The following SYT10 variants were observed in gnomAD, a reference collection of about 807,000 sequenced individuals.
SYT10 encodes the protein synaptotagmin 10, also known as synaptotagmin-10.
In SYT10, 31 loss-of-function variants were observed where a neutral mutation model predicts 51.1. The ratio of observed to expected loss-of-function variants is 0.61; its 90% CI spans 0.46 to 0.82. The LOEUF (loss-of-function observed/expected upper bound fraction) is 0.82, where lower values mean the gene tolerates loss of function less well. Among genes scored for constraint, SYT10 ranks in the 40% least tolerant of loss-of-function variants. The probability of loss-of-function intolerance (pLI) is 0.00; values close to 1 mark genes in which losing one functional copy is unlikely to be tolerated. For missense variants in SYT10, 603 were observed against 634.0 expected (o/e 0.95, Z 0.53); for synonymous variants, 233 against 225.9 (o/e 1.03, Z -0.28).
intron 4 of SYT10, 35 bp from the exon 5 acceptor site, chr12:33,382,555 G>A (rs1462272819): frequency 1.3e-6 from 2 of 1,542,696 alleles, no homozygotes; most frequent in Admixed American, 2.1e-5. Context: ...TAAAATAAAA[G>A]TAATAGTACA....
In SYT10 at chr12:33,382,398, C is replaced by G; in HGVS notation, c.1321G>C (p.Glu441Gln). 1 of 1,612,968 alleles carries G rather than the reference C, an allele frequency of 6.2e-7. No homozygotes were observed. The highest frequency in any genetic ancestry group is 8.5e-7 in the Non-Finnish European group (1 of 1,179,444). Residue 441 changes from glutamate (E) to glutamine (Q), a missense_variant, in exon 5 of 7, where the codon GAG becomes CAG. Physicochemically the swap from Glu to Gln is conservative, Grantham distance 29. Coordinates refer to ENST00000228567, the MANE Select transcript of SYT10 (RefSeq NM_198992.4). ...GAGAGGCTGACCTGGTCCACGTTCT[C>G]TGGAGGGATGTCAAAAATAATGGCC... is the stretch of plus-strand genomic sequence containing the variant. ...NEAIIFDIPP[E>Q]NVDQVSLSIA...
chr12:33,393,739 C>G (rs1055381595), intron 3 of SYT10, among the ~76,000 whole-genome samples: 1 of 152,194 alleles, frequency 6.6e-6, no homozygotes, highest in Non-Finnish European at 1.5e-5. Flanking sequence ...TCGGCTATCT[C>G]TCTGATTTCA....
chr12:33,403,265 C>A (rs1866322196), intron 3 of SYT10, among the ~76,000 whole-genome samples: 1 of 147,834 alleles, frequency 6.8e-6, no homozygotes, highest in African/African-American at 2.5e-5. Flanking sequence ...CAGAGTCTCA[C>A]TCTGTTGCCC....
chr12:33,379,543 G>C (rs1181641234), intron 6 of SYT10, among the ~76,000 whole-genome samples: 1 of 95,406 alleles, frequency 1.0e-5, no homozygotes, highest in African/African-American at 4.6e-5. Flanking sequence ...AAGTTTTCAG[G>C]CTATGCAAAA....
intron 2 of SYT10, among the ~76,000 whole-genome samples, chr12:33,420,206 C>T (rs1866490216): frequency 6.6e-6 from 1 of 152,224 alleles, no homozygotes; most frequent in Non-Finnish European, 1.5e-5. Context: ...TTGTCTTTCA[C>T]TCTCCAAGAC....
chr12:33,377,365 G>C (rs1366438870), intron 6 of SYT10, among the ~76,000 whole-genome samples: 2 of 151,434 alleles, frequency 1.3e-5, no homozygotes, highest in African/African-American at 2.4e-5. Flanking sequence ...TAGAGATCGG[G>C]TTTCACCATG....
intron 2 of SYT10, among the ~76,000 whole-genome samples, chr12:33,407,602 T>C (rs1361000624): frequency 6.6e-6 from 1 of 152,132 alleles, no homozygotes; most frequent in Non-Finnish European, 1.5e-5. Context: ...GTTTGTTTGT[T>C]TTGTTTTGTT....
At chr12:33,399,519 T>C (rs756080955) in intron 3 of SYT10, among the ~76,000 whole-genome samples, 15 of 152,170 alleles carry the variant, frequency 9.9e-5, no homozygotes, top group Non-Finnish European at 1.5e-4. Context: ...AAAGTAAAAG[T>C]AGTCAAAACA....
chr12:33,400,437 T>C lies in SYT10; in HGVS notation c.1077+6352A>G, dbSNP rs75127677. On this transcript the variant is annotated intron_variant, in intron 3 of 6. Transcript: ENST00000228567. ...TTCCTTTGTACTTGTCCTGTCAAGGTGTACTCTTTCAAACAATACCTGACA... is the reference window on the plus strand; with the variant it reads ...TTCCTTTGTACTTGTCCTGTCAAGGCGTACTCTTTCAAACAATACCTGACA... Among the ~76,000 whole-genome samples the C allele has an allele frequency of 7.0e-3, 1,064 of 152,304 alleles. 12 individuals carry two copies. The highest frequency in any genetic ancestry group is 0.024 in the African/African-American group (983 of 41,574).
At chr12:33,415,881 T>C (rs376680377) in intron 2 of SYT10, among the ~76,000 whole-genome samples, 110 of 152,322 alleles carry the variant, frequency 7.2e-4, no homozygotes, top group African/African-American at 2.5e-3. Context: ...AAATAATCCA[T>C]TGACCTCTAT....
intron 2 of SYT10, among the ~76,000 whole-genome samples, chr12:33,409,373 C>T (rs1866386388): frequency 6.6e-6 from 1 of 151,956 alleles, no homozygotes; most frequent in Non-Finnish European, 1.5e-5. Flanking sequence ...CCCACCACCG[C>T]ACCTGGCTAA....
rs547287360 is a variant in SYT10, at chr12:33,426,095, C to G, written c.509+43G>C. ...ACACACACACACACACACACACACA[C>G]ACACGCACACACACCAGTTTTATAT... is the stretch of plus-strand genomic sequence containing the variant. On this transcript the variant is annotated intron_variant, in intron 2 of 6. Transcript: ENST00000228567. 65 of 1,520,296 alleles carry G rather than the reference C, an allele frequency of 4.3e-5. No individual in the cohort carries two copies. In the Admixed American group the frequency reaches 5.9e-4, roughly 14 times the overall value. 94.2% of individuals were successfully genotyped at this position (1,520,296 alleles called of 1,614,324 possible).
intron 1 of SYT10, among the ~76,000 whole-genome samples, chr12:33,430,103 G>C (rs1046911386): frequency 3.3e-5 from 5 of 152,156 alleles, no homozygotes; most frequent in Non-Finnish European, 7.3e-5. Context: ...AATTAGATTA[G>C]GCTCTGAGAT....
chr12:33,439,682 T>A lies in SYT10; in HGVS notation c.-160A>T. 1.2e-6 allele frequency: 1 copy of A among 859,346 alleles called. No individual in the cohort carries two copies. The highest frequency in any genetic ancestry group is 1.7e-5 in the African/African-American group (1 of 57,858). The allele number at this position is 859,346 out of a possible 1,614,324, so 53.2% of individuals were successfully genotyped here. A position where few individuals can be genotyped will look rare whatever the true frequency, so the allele number is the denominator to read the frequency against. On this transcript the variant is annotated 5_prime_UTR_variant, in exon 1 of 7. Coordinates refer to ENST00000228567, the MANE Select transcript of SYT10 (RefSeq NM_198992.4). ...GCCGGCAACTCTTAGGAGCCCCACG[T>A]TGGCCCCATGGCGGGAGCGGAGGGC...
At chr12:33,401,124 G>T (rs569697749) in intron 3 of SYT10, among the ~76,000 whole-genome samples, 2 of 152,084 alleles carry the variant, frequency 1.3e-5, no homozygotes, top group South Asian at 4.2e-4. Flanking sequence ...AAAGCCACAT[G>T]CTGCAAATCA....
chr12:33,439,292 G>A, intron 1 of SYT10, 80 bp downstream of exon 1: 1 of 1,510,528 alleles, frequency 6.6e-7, no homozygotes, highest in Non-Finnish European at 8.8e-7. Context: ...GGCGCGGGAG[G>A]CGCAGAACCC....
At chr12:33,381,223 T>TA (rs1866112161) in intron 5 of SYT10, among the ~76,000 whole-genome samples, 1 of 152,174 alleles carries the variant, frequency 6.6e-6, no homozygotes, top group African/African-American at 2.4e-5. Context: ...AGTCACAAGT[T>TA]AAAATTTTTT....
intron 2 of SYT10, among the ~76,000 whole-genome samples, chr12:33,412,307 C>T (rs1346092887): frequency 6.6e-6 from 1 of 152,028 alleles, no homozygotes; most frequent in Non-Finnish European, 1.5e-5. Flanking sequence ...GTAAATAGCA[C>T]ATATTCTAAG....
Position 33,439,485 on chromosome 12 carries a change from C to T in SYT10, c.38G>A (p.Cys13Tyr), listed in dbSNP as rs767105835. The change falls in exon 1 of 7, where the codon TGC becomes TAC. Residue 13 changes from cysteine (C) to tyrosine (Y), a missense_variant. Cys to Tyr is a radical substitution (Grantham distance 194, BLOSUM62 -2). Coordinates refer to ENST00000228567, the MANE Select transcript of SYT10 (RefSeq NM_198992.4). ...FHKEDGVNSL[C>Y]QKALHIVTEL... is the part of the protein sequence containing the mutation. The stretch of plus-strand genomic sequence containing the variant: ...GGTGACGATGTGCAGAGCCTTCTGG[C>T]ACAGACTGTTCACTCCGTCCTCCTT... The T allele has an allele frequency of 6.2e-7, 1 of 1,614,090 alleles. No homozygotes were observed. Among genetic ancestry groups the T allele is most frequent in the African/African-American group, 1.3e-5 (1 of 74,948 alleles).
Sources: gnomAD v4.1 joint callset for allele counts (sites outside exome capture counted in the v4.1 genomes callset) on GRCh38, gnomAD v4.1.1 for gene constraint, MANE v1.5 for transcripts, NCBI Gene and HGNC (gene_info 2026-07-23, HGNC 2026-07-21) for gene names.